ZNF683: variants seen among roughly 807,000 people sequenced by gnomAD.
The protein encoded by ZNF683 is tissue-resident T-cell transcription regulator protein ZNF683.
In ZNF683, 20 loss-of-function variants were observed where a neutral mutation model predicts 31.4. That is an observed-to-expected ratio of 0.64 (90% CI 0.45 to 0.93). The LOEUF (loss-of-function observed/expected upper bound fraction) is 0.93. ZNF683 is among the 40% of genes least tolerant of loss of function. The probability of loss-of-function intolerance (pLI) is 0.00; values close to 1 mark genes in which losing one functional copy is unlikely to be tolerated. For missense variants in ZNF683, 621 were observed against 637.2 expected (o/e 0.97, Z 0.27); for synonymous variants, 264 against 267.6 (o/e 0.99, Z 0.13).
Position 26,362,157 on chromosome 1 carries a change from T to C in ZNF683, c.1144-135A>G, listed in dbSNP as rs367576503. The stretch of plus-strand genomic sequence containing the variant: ...GCCTGGAAGCTTTTCCAGTGATTTC[T>C]TCCTGGAACCCACGGTATCTAGCAC... On this transcript the variant is annotated intron_variant, in intron 5 of 5. Coordinates refer to ENST00000349618, the MANE Select transcript of ZNF683 (RefSeq NM_001114759.3). The C allele has an allele frequency of 7.5e-6, 12 of 1,606,524 alleles. No individual in the cohort carries two copies. The African/African-American group carries it at 1.6e-4, about 21-fold the overall frequency.
chr1:26,367,457 TG>T, intron 3 of ZNF683, 135 bp downstream of exon 3: 1 of 1,002,740 alleles, frequency 1.0e-6, no homozygotes, highest in Non-Finnish European at 1.4e-6. Flanking sequence ...GGCCAAAATG[TG>T]GAAGTAAAGT....
At chr1:26,362,172 G>T (rs1351742010) in intron 5 of ZNF683, 150 bp from the exon 6 acceptor site, 1 of 1,593,134 alleles carries the variant, frequency 6.3e-7, no homozygotes, top group Admixed American at 1.8e-5. Flanking sequence ...GGAACCCACG[G>T]TATCTAGCAC....
chr1:26,364,865 G>C lies in ZNF683; in HGVS notation c.681C>G (p.Ser227=). 1 of 1,555,974 alleles carries C rather than the reference G, an allele frequency of 6.4e-7. No homozygotes were observed. Among genetic ancestry groups the C allele is most frequent in the Non-Finnish European group, 8.7e-7 (1 of 1,152,218 alleles). The change falls in exon 4 of 6, where the codon TCC becomes TCG. Residue 227 remains serine, a synonymous_variant. Coordinates refer to ENST00000349618, the MANE Select transcript of ZNF683 (RefSeq NM_001114759.3). The part of the protein sequence containing the change: ...PHLLMLPQDP[S]YPTMAMPSLL... ...GGCTAGGCATAGCCATGGTGGGGTA[G>C]GAGGGGTCTTGGGGCAGCATGAGGA...
upstream of ZNF683, chr1:26,372,863 G>C: frequency 1.7e-6 from 2 of 1,168,224 alleles, no homozygotes; most frequent in Non-Finnish European, 2.1e-6. Flanking sequence ...TGGGAGACGA[G>C]AGCAAGGAAG....
At chr1:26,364,411 C>T in intron 4 of ZNF683, 121 bp downstream of exon 4, 1 of 1,103,946 alleles carries the variant, frequency 9.1e-7, no homozygotes, top group South Asian at 1.4e-5. Context: ...GGTCACTTGG[C>T]CCTAGAGGTT....
chr1:26,364,937 G>T lies in ZNF683; in HGVS notation c.609C>A (p.Pro203=), dbSNP rs767117529. The change falls in exon 4 of 6, where the codon CCC becomes CCA. Residue 203 remains proline, a synonymous_variant. Transcript: ENST00000349618. ...YPGYPLLLPP[P]HLFTYGALPS... is the part of the protein sequence containing the mutation. ...GTAGGGCCCCATAGGTGAACAGGTG[G>T]GGTGGAGGCAGGAGAAGTGGGTATC... 6 of 1,554,606 alleles carry T rather than the reference G, an allele frequency of 3.9e-6. No homozygotes were observed. The African/African-American group carries it at 6.9e-5, about 18-fold the overall frequency.
intron 5 of ZNF683, 21 bp from the exon 6 acceptor site, chr1:26,362,043 C>A: frequency 6.2e-7 from 1 of 1,614,000 alleles, no homozygotes; most frequent in East Asian, 2.2e-5. Flanking sequence ...CGAGCACTGG[C>A]ATCAGCTTTG....
intron 4 of ZNF683, among the ~76,000 whole-genome samples, chr1:26,364,069 T>C (rs528960443): frequency 6.6e-6 from 1 of 152,216 alleles, no homozygotes. Flanking sequence ...GGGATCCCAC[T>C]TGAAAAAGGT....
intron 4 of ZNF683, 31 bp from the exon 5 acceptor site, chr1:26,363,185 C>T (rs776282262): frequency 1.3e-6 from 2 of 1,588,494 alleles, no homozygotes; most frequent in Non-Finnish European, 1.7e-6. Context: ...ATGCTGCCAA[C>T]TGCCCAGCAC....
chr1:26,363,191 A>G (rs367870115), intron 4 of ZNF683, 37 bp from the exon 5 acceptor site: 1 of 1,584,076 alleles, frequency 6.3e-7, no homozygotes, highest in South Asian at 1.1e-5. Flanking sequence ...CCAACTGCCC[A>G]GCACCCCTAG....
intron 3 of ZNF683, among the ~76,000 whole-genome samples, chr1:26,365,437 T>C (rs529982244): frequency 6.6e-6 from 1 of 152,284 alleles, no homozygotes; most frequent in South Asian, 2.1e-4. Context: ...ATGGATAAAC[T>C]GGGTTGGAGT....
At position 26,363,033 on chromosome 1, in the gene ZNF683, T is replaced by C. The variant is rs748155236; in HGVS notation, c.1136A>G (p.Lys379Arg). The change falls in exon 5 of 6, where the codon AAG becomes AGG. Residue 379 changes from lysine (K) to arginine (R), a missense_variant. Lys to Arg is a conservative substitution (Grantham distance 26). Coordinates refer to ENST00000349618, the MANE Select transcript of ZNF683 (RefSeq NM_001114759.3). Reference sequence around the variant, plus strand: ...GGGGGAGAAGGATCTCACCGAGCACTTGTGGGGCCGCTCCCCAGTGTGCAC... The same window carrying C: ...GGGGGAGAAGGATCTCACCGAGCACCTGTGGGGCCGCTCCCCAGTGTGCAC... Reference protein sequence around the residue: ...HLVHTGERPHKCSVCHKRFSS... With the variant: ...HLVHTGERPHRCSVCHKRFSS... The C allele has an allele frequency of 6.2e-7, 1 of 1,610,620 alleles. No individual in the cohort carries two copies. The highest frequency in any genetic ancestry group is 1.7e-5 in the Admixed American group (1 of 59,562).
At chr1:26,362,375 T>G (rs994509111) in intron 5 of ZNF683, among the ~76,000 whole-genome samples, 1 of 152,198 alleles carries the variant, frequency 6.6e-6, no homozygotes, top group Non-Finnish European at 1.5e-5. Flanking sequence ...CAGTAGATTG[T>G]AATGAACATT....
In ZNF683 at chr1:26,361,803, C is replaced by T; in HGVS notation, c.1363G>A (p.Ala455Thr). The T allele has an allele frequency of 6.2e-7, 1 of 1,614,026 alleles. No individual in the cohort carries two copies. The highest frequency in any genetic ancestry group is 8.5e-7 in the Non-Finnish European group (1 of 1,179,902). ...LACLAQWHQG[A>T]LDLMAVASEK... ...GATGCCACCGCCATAAGATCTAGTG[C>T]CCCCTGGTGCCATTGGGCAAGGCAG... The change falls in exon 6 of 6, where the codon GCA (alanine) becomes ACA (threonine). Residue 455 changes from alanine (A) to threonine (T), a missense_variant. Physicochemically the swap from Ala to Thr is moderately conservative, Grantham distance 58. Transcript: ENST00000349618.
rs745671759 is a variant in ZNF683, at chr1:26,365,119, C to T, written c.427G>A (p.Glu143Lys). ...GAGAAGGCTGGGCAGGGGGCCCCCT[C>T]GCCAGCTCTTTCTGGCTGTTTTCCC... ...KLGKQPERAG[E>K]GAPCPAFSSH... is the part of the protein sequence containing the mutation. The change falls in exon 4 of 6, where the codon GAG (glutamate) becomes AAG (lysine). Residue 143 changes from glutamate to lysine, a missense_variant. By Grantham distance (56) the Glu-to-Lys change is moderately conservative. Transcript: ENST00000349618. 3.7e-6 allele frequency: 6 copies of T among 1,607,148 alleles called. No individual in the cohort carries two copies. The highest frequency in any genetic ancestry group is 4.5e-5 in the East Asian group (2 of 44,698).
At chr1:26,365,402 C>T (rs575228683) in intron 3 of ZNF683, among the ~76,000 whole-genome samples, 176 bp from the exon 4 acceptor site, 24 of 152,244 alleles carry the variant, frequency 1.6e-4, no homozygotes, top group African/African-American at 5.3e-4. Context: ...TATTAGACAC[C>T]CAGGTTGAGA....
chr1:26,368,321 A>T, intron 2 of ZNF683, 137 bp downstream of exon 2: 1 of 1,082,666 alleles, frequency 9.2e-7, no homozygotes, highest in Non-Finnish European at 1.2e-6. Context: ...AAACATCCCT[A>T]TGATGTGCCT....
intron 2 of ZNF683, among the ~76,000 whole-genome samples, chr1:26,368,244 C>A (rs1189675351): frequency 6.6e-6 from 1 of 152,262 alleles, no homozygotes. Flanking sequence ...GAGGCTTCCG[C>A]TTCTTATTCC....
rs140221000 is a variant in ZNF683 at position 26,361,634 on chromosome 1, T to C, written c.*17A>G. 1,406 of 1,580,534 alleles carry C rather than the reference T, an allele frequency of 8.9e-4. 16 individuals carry two copies. In the East Asian group the frequency reaches 0.021, roughly 23 times the overall value. ...TTGAAGCTCAGGAAGCCTCAAAGCA[T>C]GACAGAAGAAACATTTTTAATTGTT... is the stretch of plus-strand genomic sequence containing the variant. On this transcript the variant is annotated 3_prime_UTR_variant, in exon 6 of 6. Transcript: ENST00000349618.
Sources: gnomAD v4.1 joint callset for allele counts (sites outside exome capture counted in the v4.1 genomes callset) on GRCh38, gnomAD v4.1.1 for gene constraint, MANE v1.5 for transcripts, NCBI Gene and HGNC (gene_info 2026-07-23, HGNC 2026-07-21) for gene names.